Variants in LYZ observed in about 807,000 individuals in gnomAD.
LYZ encodes the protein lysozyme C.
Under a neutral mutation model 15.8 loss-of-function variants are expected in LYZ, and 18 were observed. The observed-to-expected ratio is 1.14, with a 90% confidence interval of 0.79 to 1.69. The LOEUF (loss-of-function observed/expected upper bound fraction) is 1.69, where lower values mean the gene tolerates loss of function less well. LYZ is among the 40% of genes most tolerant of loss of function. The pLI is 0.00. For missense variants in LYZ, 139 were observed against 182.8 expected, an observed-to-expected ratio of 0.76 and a Z score of 1.38; for synonymous variants, 60 against 61.7, an observed-to-expected ratio of 0.97 and a Z score of 0.13.
chr12:69,350,525 G>C, intron 2 of LYZ: 1 of 450,490 alleles, frequency 2.2e-6, no homozygotes, highest in Non-Finnish European at 4.1e-6. Flanking sequence ...CCTTACTGAT[G>C]CTTTGTCCAG....
At chr12:69,352,363 G>T in intron 3 of LYZ, 65 bp downstream of exon 3, 2 of 1,273,576 alleles carry the variant, frequency 1.6e-6, no homozygotes, top group East Asian at 2.3e-5. Context: ...AATGAGAGCA[G>T]ACTTTTAAAG....
In LYZ at chr12:69,353,582, G is replaced by A. The variant is rs1168179581; in HGVS notation, c.*363G>A. On this transcript the variant is annotated 3_prime_UTR_variant, in exon 4 of 4. Coordinates refer to ENST00000261267, the MANE Select transcript of LYZ (RefSeq NM_000239.3). The stretch of plus-strand genomic sequence containing the variant: ...CGGCTCACTGCAACCTCCACCTCCC[G>A]GGTTCACGCCATTCTCCTGCCTCAG... The A allele has an allele frequency of 1.8e-5, 5 of 271,536 alleles. No individual in the cohort carries two copies. Among genetic ancestry groups the A allele is most frequent in the South Asian group, 1.1e-4 (3 of 28,384 alleles). The allele number at this position is 271,536 out of a possible 1,614,324, so 16.8% of individuals were successfully genotyped here. A position where few individuals can be genotyped will look rare whatever the true frequency, so the allele number is the denominator to read the frequency against.
At chr12:69,350,893 C>A (rs530096985) in intron 2 of LYZ, among the ~76,000 whole-genome samples, 3 of 151,732 alleles carry the variant, frequency 2.0e-5, no homozygotes, top group Admixed American at 2.0e-4. Flanking sequence ...CCCACCACAG[C>A]CTCCCAAGTA....
chr12:69,350,308 C>G, intron 2 of LYZ, 36 bp downstream of exon 2: 7 of 1,609,774 alleles, frequency 4.3e-6, no homozygotes, highest in Non-Finnish European at 6.0e-6. Flanking sequence ...TCTGGTTATA[C>G]TTACAAGAAT....
chr12:69,350,100 C>A lies in LYZ; in HGVS notation c.137-8C>A. 1.2e-6 allele frequency: 2 copies of A among 1,613,766 alleles called. No individual in the cohort carries two copies. The highest frequency in any genetic ancestry group is 1.7e-6 in the Non-Finnish European group (2 of 1,179,782). ...TGCTGTTTATTACTAAAAATAAGTTCTTTTCAGGGATGTGTTTGGCCAAAT... is the reference window on the plus strand; with the variant it reads ...TGCTGTTTATTACTAAAAATAAGTTATTTTCAGGGATGTGTTTGGCCAAAT... On this transcript the variant is annotated splice_polypyrimidine_tract_variant and splice_region_variant and intron_variant, in intron 1 of 3. Transcript: ENST00000261267.
intron 1 of LYZ, 112 bp downstream of exon 1, chr12:69,348,656 G>T (rs975512965): frequency 7.6e-7 from 1 of 1,324,294 alleles, no homozygotes; most frequent in Non-Finnish European, 1.1e-6. Context: ...TTTCTTTGTG[G>T]GTTTGTATAC....
intron 2 of LYZ, among the ~76,000 whole-genome samples, chr12:69,351,731 CTGTA>C (rs1475015198): frequency 6.7e-6 from 1 of 148,380 alleles, no homozygotes; most frequent in Admixed American, 6.7e-5. Flanking sequence ...AAATACAAAT[CTGTA>C]TCATCATTTT....
rs753155051 is a variant in LYZ, at chr12:69,352,306, T to G, written c.380+8T>G. 6.2e-7 allele frequency: 1 copy of G among 1,608,340 alleles called. No individual in the cohort carries two copies. Among genetic ancestry groups the G allele is most frequent in the Non-Finnish European group, 8.5e-7 (1 of 1,174,910 alleles). The stretch of plus-strand genomic sequence containing the variant: ...ACAAGGCATTAGAGCATGGTATGTT[T>G]TAAGTGTTAAAAGGGAAAACTATCT... On this transcript the variant is annotated splice_region_variant and intron_variant, in intron 3 of 3. Transcript: ENST00000261267.
chr12:69,349,497 T>C (rs1267065746), intron 1 of LYZ, among the ~76,000 whole-genome samples: 1 of 152,234 alleles, frequency 6.6e-6, no homozygotes, highest in Non-Finnish European at 1.5e-5. Context: ...AGATGTGCCA[T>C]GAGGAAAAGT....
chr12:69,348,553 A>G lies in LYZ; in HGVS notation c.136+9A>G, dbSNP rs372724691. ...AATCAGCCTAGCAAACTGTAAGTCT[A>G]CTCTCCATAATTCCAGAGAATTAGC... On this transcript the variant is annotated intron_variant, in intron 1 of 3. Coordinates refer to ENST00000261267, the MANE Select transcript of LYZ (RefSeq NM_000239.3). 184 of 1,613,962 alleles carry G rather than the reference A, an allele frequency of 1.1e-4. No individual in the cohort carries two copies. Among genetic ancestry groups the G allele is most frequent in the Non-Finnish European group, 1.4e-4 (167 of 1,179,976 alleles).
intron 2 of LYZ, 26 bp downstream of exon 2, chr12:69,350,298 T>G: frequency 6.2e-7 from 1 of 1,612,870 alleles, no homozygotes; most frequent in Non-Finnish European, 8.5e-7. Flanking sequence ...ATTTGACCAA[T>G]CTGGTTATAC....
At position 69,348,493 on chromosome 12, in the gene LYZ, A is replaced by T. The variant is rs1565669106; in HGVS notation, c.85A>T (p.Thr29Ser). Residue 29 changes from threonine to serine, a missense_variant, in exon 1 of 4, where the codon ACT becomes TCT. Physicochemically the swap from Thr to Ser is moderately conservative, Grantham distance 58. Transcript: ENST00000261267. ...CTTTGAAAGGTGTGAGTTGGCCAGA[A>T]CTCTGAAAAGATTGGGAATGGATGG... ...KVFERCELARTLKRLGMDGYR... is the reference protein window; with the variant it reads ...KVFERCELARSLKRLGMDGYR... The T allele has an allele frequency of 6.2e-7, 1 of 1,614,192 alleles. No homozygotes were observed. Among genetic ancestry groups the T allele is most frequent in the Admixed American group, 1.7e-5 (1 of 60,028 alleles).
At position 69,348,505 on chromosome 12, in the gene LYZ, T is replaced by C. The variant is rs762738984; in HGVS notation, c.97T>C (p.Leu33=). 16 of 1,614,094 alleles carry C rather than the reference T, an allele frequency of 9.9e-6. No individual in the cohort carries two copies. The highest frequency in any genetic ancestry group is 1.4e-5 in the Non-Finnish European group (16 of 1,180,034). The part of the protein sequence containing the change: ...RCELARTLKR[L]GMDGYRGISL... ...TGAGTTGGCCAGAACTCTGAAAAGA[T>C]TGGGAATGGATGGCTACAGGGGAAT... Residue 33 remains leucine (L), a synonymous_variant, in exon 1 of 4, where the codon TTG becomes CTG. Coordinates refer to ENST00000261267, the MANE Select transcript of LYZ (RefSeq NM_000239.3).
At chr12:69,350,445 T>C (rs1874818498) in intron 2 of LYZ, 173 bp downstream of exon 2, 1 of 661,980 alleles carries the variant, frequency 1.5e-6, no homozygotes. Flanking sequence ...AAAGAAGTGG[T>C]ATCATAAAAG....
At chr12:69,352,103 T>C (rs1874854975) in intron 2 of LYZ, 117 bp from the exon 3 acceptor site, 1 of 692,396 alleles carries the variant, frequency 1.4e-6, no homozygotes, top group Non-Finnish European at 2.6e-6. Context: ...ATATATGGAC[T>C]CATAGAAAAT....
In LYZ at chr12:69,353,206, G is replaced by A. The variant is rs762616173; in HGVS notation, c.434G>A (p.Gly145Asp). 5.1e-5 allele frequency: 82 copies of A among 1,613,820 alleles called. No individual in the cohort carries two copies. In the Admixed American group the frequency reaches 1.3e-3, roughly 27 times the overall value. ...QNRDVRQYVQ[G>D]CGV ...AGAGATGTCCGTCAGTATGTTCAAG[G>A]TTGTGGAGTGTAACTCCAGAATTTT... The change falls in exon 4 of 4, where the codon GGT (glycine) becomes GAT (aspartate). Residue 145 changes from glycine to aspartate, a missense_variant. Gly to Asp is a moderately conservative substitution (Grantham distance 94). Coordinates refer to ENST00000261267, the MANE Select transcript of LYZ (RefSeq NM_000239.3).
intron 1 of LYZ, among the ~76,000 whole-genome samples, chr12:69,349,398 T>C (rs993506858): frequency 6.6e-6 from 1 of 152,234 alleles, no homozygotes; most frequent in African/African-American, 2.4e-5. Context: ...ACTCTTTGTA[T>C]AGGATCCCAG....
rs886049804 is a variant in LYZ at position 69,353,440 on chromosome 12, C to T, written c.*221C>T. 1.2e-5 allele frequency: 7 copies of T among 594,640 alleles called. No individual in the cohort carries two copies. The highest frequency in any genetic ancestry group is 7.5e-5 in the African/African-American group (4 of 53,200). The allele number at this position is 594,640 out of a possible 1,614,324, so 36.8% of individuals were successfully genotyped here. ...TTTCAGTTTGCAAATAGAACTAATA[C>T]TGGTGAAAATTTACCTAAAACCTTG... On this transcript the variant is annotated 3_prime_UTR_variant, in exon 4 of 4. Coordinates refer to ENST00000261267, the MANE Select transcript of LYZ (RefSeq NM_000239.3).
chr12:69,348,981 G>GATTTTT (rs910264465), intron 1 of LYZ, among the ~76,000 whole-genome samples: 4 of 125,500 alleles, frequency 3.2e-5, no homozygotes, highest in Non-Finnish European at 3.1e-5. Context: ...CGTGATGTGG[G>GATTTTT]ATTTTTATTT....
Sources: gnomAD v4.1 joint callset for allele counts (sites outside exome capture counted in the v4.1 genomes callset) on GRCh38, gnomAD v4.1.1 for gene constraint, MANE v1.5 for transcripts, NCBI Gene and HGNC (gene_info 2026-07-23, HGNC 2026-07-21) for gene names.